The following COL6A2 variants were observed in gnomAD, a reference collection of about 807,000 sequenced individuals.
The protein encoded by COL6A2 is collagen type VI alpha 2 chain.
A neutral mutation model predicts 124.9 loss-of-function variants in COL6A2; 90 were observed. The observed-to-expected ratio is 0.72, with a 90% confidence interval of 0.61 to 0.86. The LOEUF is 0.86. Among genes scored for constraint, COL6A2 ranks in the 40% least tolerant of loss-of-function variants. The pLI is 0.00. For missense variants in COL6A2, 1,607 were observed against 1,502.5 expected (o/e 1.07, Z -1.15); for synonymous variants, 793 against 618.2 (o/e 1.28, Z -4.19).
chr21:46,119,229 G>T lies in COL6A2; in HGVS notation c.1269+110G>T. The T allele has an allele frequency of 3.6e-6, 3 of 843,036 alleles. No homozygotes were observed. In the South Asian group the frequency reaches 4.6e-5, roughly 13 times the overall value. 52.2% of individuals were successfully genotyped at this position (843,036 alleles called of 1,614,324 possible). A position where few individuals can be genotyped will look rare whatever the true frequency, so the allele number is the denominator to read the frequency against. ...GGGCTGTAGGCAGGATCCCCTGCTG[G>T]CAAGGCACAGCCAGGCCCCCATCCT... On this transcript the variant is annotated intron_variant, in intron 14 of 27. Transcript: ENST00000300527.
chr21:46,118,702 C>T (rs1164737785), intron 13 of COL6A2, 26 bp downstream of exon 13: 22 of 1,598,812 alleles, frequency 1.4e-5, no homozygotes, highest in Admixed American at 1.7e-5. Flanking sequence ...TCTTCGCCTG[C>T]AGCTGAGCTG....
intron 4 of COL6A2, 126 bp from the exon 5 acceptor site, chr21:46,113,882 C>G: frequency 1.2e-6 from 1 of 801,986 alleles, no homozygotes; most frequent in African/African-American, 1.7e-5. Context: ...CGCCCAGGTT[C>G]TCAGGGCATT....
chr21:46,132,301 C>T lies in COL6A2; in HGVS notation c.2809C>T (p.Arg937Trp), dbSNP rs755352246. Reference protein sequence around the residue: ...AIVRSPRGGARRHAELSFVFL... With the variant: ...AIVRSPRGGAWRHAELSFVFL... ...CGTGCGCAGCCCGCGTGGCGGGGCC[C>T]GGAGGCACGCAGAGCTGTCCTTCGT... The change falls in exon 28 of 28, where the codon CGG becomes TGG. Residue 937 changes from arginine to tryptophan, a missense_variant. Physicochemically the swap from Arg to Trp is moderately radical, Grantham distance 101. Around this residue, in one of 3 missense-constraint regions of COL6A2, gnomAD observed 1,223 missense variants for 1,052.2 expected, o/e 1.16. Coordinates refer to ENST00000300527, the MANE Select transcript of COL6A2 (RefSeq NM_001849.4). The T allele has an allele frequency of 2.4e-5, 38 of 1,606,052 alleles. No individual in the cohort carries two copies. The highest frequency in any genetic ancestry group is 3.1e-5 in the Non-Finnish European group (36 of 1,179,358).
At chr21:46,118,941 A>G (rs2123636828) in intron 13 of COL6A2, 89 bp from the exon 14 acceptor site, 9 of 1,116,480 alleles carry the variant, frequency 8.1e-6, no homozygotes, top group South Asian at 1.3e-5. Context: ...CTGGAAGATA[A>G]TAGGGGCTCC....
chr21:46,102,789 G>A (rs922961768), intron 1 of COL6A2, among the ~76,000 whole-genome samples: 1 of 148,884 alleles, frequency 6.7e-6, no homozygotes, highest in Non-Finnish European at 1.5e-5. Context: ...CCATTTAATT[G>A]CATCAAATTA....
rs1363991588 is a variant in COL6A2 at position 46,126,931 on chromosome 21, C to T, written c.2461+390C>T. On this transcript the variant is annotated intron_variant, in intron 27 of 27. Coordinates refer to ENST00000300527, the MANE Select transcript of COL6A2 (RefSeq NM_001849.4). ...CTGGATTCAGTGAGTGAAACCATCC[C>T]GGGGTGGAAGCACTGACACCCCCCA... Among the ~76,000 whole-genome samples the T allele has an allele frequency of 5.3e-5, 8 of 152,268 alleles. No homozygotes were observed. In the South Asian group the frequency reaches 1.0e-3, roughly 20 times the overall value.
rs1274669202 is a variant in COL6A2, at chr21:46,112,571, G to A, written c.708G>A (p.Lys236=). ...IDQDTINRII[K]VMKHEAYGEC... ...AGGACACCATCAACCGCATCATCAA[G>A]GTCATGGTGAGCCGCGGGCGGGAGC... Residue 236 remains lysine, a synonymous_variant, in exon 3 of 28, where the codon AAG becomes AAA. Transcript: ENST00000300527. 15 of 1,612,064 alleles carry A rather than the reference G, an allele frequency of 9.3e-6. No individual in the cohort carries two copies. Among genetic ancestry groups the A allele is most frequent in the Non-Finnish European group, 1.3e-5 (15 of 1,179,846 alleles).
At chr21:46,122,580 A>G in intron 20 of COL6A2, 49 bp downstream of exon 20, 1 of 1,596,960 alleles carries the variant, frequency 6.3e-7, no homozygotes, top group Non-Finnish European at 8.6e-7. Flanking sequence ...GGGGGTCTGC[A>G]CGCCCAATTG....
At chr21:46,129,225 G>A (rs1289453667) in intron 27 of COL6A2, 2 of 1,612,816 alleles carry the variant, frequency 1.2e-6, no homozygotes, top group East Asian at 2.2e-5. Context: ...CGAGCCCCCG[G>A]TCACCTTCCT....
intron 21 of COL6A2, 107 bp from the exon 22 acceptor site, chr21:46,124,544 C>G (rs553711550): frequency 4.1e-6 from 4 of 981,766 alleles, no homozygotes; most frequent in Admixed American, 3.6e-5. Flanking sequence ...TTAGCCCCCC[C>G]CCCCGCCAAG....
chr21:46,107,455 T>C (rs9637213), intron 1 of COL6A2, among the ~76,000 whole-genome samples: 25,745 of 152,176 alleles, frequency 0.17, 2,589 homozygotes, highest in East Asian at 0.37. Context: ...CATTTTGAAA[T>C]GGCCCTGCAA....
rs774481796 is a variant in COL6A2, at chr21:46,116,798, G to T, written c.983G>T (p.Gly328Val). The change falls in exon 10 of 28, where the codon GGG becomes GTG. Residue 328 changes from glycine (G) to valine (V), a missense_variant. Transcript: ENST00000300527. The surrounding 1 kb of genome is among the most constrained non-coding windows in gnomAD (Gnocchi z 4.6). ...GCCCCTGGCCTGGCTGGCAAGAACG[G>T]GACCGATGGACAGAAGGTAGAGGGA... ...KGAPGLAGKN[G>V]TDGQKGKLGR... The T allele has an allele frequency of 6.2e-7, 1 of 1,612,842 alleles. No homozygotes were observed. The highest frequency in any genetic ancestry group is 1.3e-5 in the African/African-American group (1 of 74,930).
rs1269864176 is a variant in COL6A2 at position 46,126,704 on chromosome 21, CAG to C, written c.2461+164_2461+165del. ...GGGAGATGGCCCCAGGATGGCAGCA[CAG>C]GGGAGGAGGGGCTTGGGGAAGGCAG... On this transcript the variant is annotated intron_variant, in intron 27 of 27. Coordinates refer to ENST00000300527, the MANE Select transcript of COL6A2 (RefSeq NM_001849.4). 1.2e-4 allele frequency among the ~76,000 whole-genome samples: 19 copies of C among 152,210 alleles called. No homozygotes were observed. In the South Asian group the frequency reaches 3.9e-3, roughly 32 times the overall value.
chr21:46,125,460 C>A lies in COL6A2; in HGVS notation c.1817-5C>A, dbSNP rs2078647222. 6.2e-7 allele frequency: 1 copy of A among 1,612,884 alleles called. No homozygotes were observed. Among genetic ancestry groups the A allele is most frequent in the Non-Finnish European group, 8.5e-7 (1 of 1,179,928 alleles). ...TACCCCCCGATGACCCTGCCACCCCCCCAGACTGTGAGAAGCGCTGTGGCG... is the reference window on the plus strand; with the variant it reads ...TACCCCCCGATGACCCTGCCACCCCACCAGACTGTGAGAAGCGCTGTGGCG... On this transcript the variant is annotated splice_region_variant and splice_polypyrimidine_tract_variant and intron_variant, in intron 24 of 27. Coordinates refer to ENST00000300527, the MANE Select transcript of COL6A2 (RefSeq NM_001849.4).
At chr21:46,131,513 G>A (rs1470878906) in intron 27 of COL6A2, among the ~76,000 whole-genome samples, 13 of 152,212 alleles carry the variant, frequency 8.5e-5, no homozygotes, top group Admixed American at 4.6e-4. Context: ...GAGCAGCTCT[G>A]GGACCCAGCG....
chr21:46,117,852 C>T, intron 11 of COL6A2, 22 bp from the exon 12 acceptor site: 1 of 1,605,538 alleles, frequency 6.2e-7, no homozygotes, highest in Non-Finnish European at 8.5e-7. Context: ...GTGCCGAGCT[C>T]CACCTCTCAC....
intron 12 of COL6A2, 125 bp downstream of exon 12, chr21:46,118,061 C>T (rs545415375): frequency 1.2e-4 from 107 of 904,022 alleles, no homozygotes; most frequent in Non-Finnish European, 1.6e-4. Context: ...AGTGAGGAGC[C>T]AATGGCCGTG....
At chr21:46,109,522 C>G (rs949481774) in intron 1 of COL6A2, among the ~76,000 whole-genome samples, 1 of 152,350 alleles carries the variant, frequency 6.6e-6, no homozygotes, top group East Asian at 1.9e-4. Flanking sequence ...AGGAGCCTAT[C>G]TGCCTCCTGC....
Position 46,098,189 on chromosome 21 carries a change from ACC to A in COL6A2, c.-28+19_-28+20del, listed in dbSNP as rs1363993905. The A allele has an allele frequency of 6.6e-6, 1 of 150,984 alleles. No homozygotes were observed. The highest frequency in any genetic ancestry group is 1.5e-5 in the Non-Finnish European group (1 of 67,800). The allele number at this position is 150,984 out of a possible 1,614,324, so 9.4% of individuals were successfully genotyped here. On this transcript the variant is annotated intron_variant, in intron 1 of 27. Transcript: ENST00000300527. Reference sequence around the variant, plus strand: ...TCGGGACCAGGTGAGCGCCTCCCGGACCCCGCACCCTGGAAGCCGCTCGGCCC... The same window carrying A: ...TCGGGACCAGGTGAGCGCCTCCCGGACCGCACCCTGGAAGCCGCTCGGCCC...
Sources: gnomAD v4.1 joint callset for allele counts (sites outside exome capture counted in the v4.1 genomes callset) on GRCh38, gnomAD v4.1.1 for gene constraint, gnomAD v4.1.1 regional missense constraint, Gnocchi (gnomAD v3.1) non-coding constraint, MANE v1.5 for transcripts, NCBI Gene and HGNC (gene_info 2026-07-23, HGNC 2026-07-21) for gene names.